CCSER1: variants seen among roughly 807,000 people sequenced by gnomAD.
The protein encoded by CCSER1 is coiled-coil serine rich protein 1, also known as serine-rich coiled-coil domain-containing protein 1.
In CCSER1, 41 loss-of-function variants were observed where a neutral mutation model predicts 82.0. The ratio of observed to expected loss-of-function variants is 0.50; its 90% confidence interval spans 0.39 to 0.65. CCSER1 has a LOEUF of 0.65. Among genes scored for constraint, CCSER1 ranks in the 30% least tolerant of loss-of-function variants. The probability of loss-of-function intolerance (pLI) is 0.00; values close to 1 mark genes in which losing one functional copy is unlikely to be tolerated. For missense variants in CCSER1, 1,119 were observed against 1,064.2 expected (o/e 1.05, Z -0.72); for synonymous variants, 414 against 383.9 (o/e 1.08, Z -0.92).
chr4:91,236,376 G>A (rs1184549893), intron 10 of CCSER1, among the ~76,000 whole-genome samples: 1 of 151,936 alleles, frequency 6.6e-6, no homozygotes, highest in Non-Finnish European at 1.5e-5. Context: ...TCAGCTACTC[G>A]GGAGGCTGAG....
chr4:91,154,083 G>C (rs1040221119), intron 10 of CCSER1, among the ~76,000 whole-genome samples: 1 of 151,998 alleles, frequency 6.6e-6, no homozygotes, highest in Non-Finnish European at 1.5e-5. Context: ...GCTACCTTTT[G>C]TTCAGCTATG....
At position 91,296,468 on chromosome 4, in the gene CCSER1, TATATATA is replaced by T. The variant is rs1560573042; in HGVS notation, c.2217+210475_2217+210481del. 5.9e-5 allele frequency among the ~76,000 whole-genome samples: 3 copies of T among 50,514 alleles called. 1 individual carries two copies. The highest frequency in any genetic ancestry group is 2.1e-4 in the Admixed American group (1 of 4,774). 33.1% of individuals were successfully genotyped at this position (50,514 alleles called of 152,430 possible). Reference sequence around the variant, plus strand: ...CTAACATTATATATATATATATATGTATATATATATATATATATTTTAATTAAATATA... The same window carrying T: ...CTAACATTATATATATATATATATGTTATATATATATTTTAATTAAATATA... On this transcript the variant is annotated intron_variant, in intron 10 of 10. Coordinates refer to ENST00000509176, the MANE Select transcript of CCSER1 (RefSeq NM_001145065.2).
intron 3 of CCSER1, among the ~76,000 whole-genome samples, chr4:90,374,033 TTG>T (rs1561120799): frequency 6.6e-6 from 1 of 152,210 alleles, no homozygotes; most frequent in African/African-American, 2.4e-5. Context: ...CCCAGGAGTC[TTG>T]TGGCTTTTGC....
In CCSER1 at chr4:90,288,398, A is replaced by G. The variant is rs1730293473; in HGVS notation, c.-41-19846A>G. ...CACCTCCATACTTGTCTTCTTCATT[A>G]TTTATCTCATTACAGTAATTATTTT... On this transcript the variant is annotated intron_variant, in intron 1 of 10. Coordinates refer to ENST00000509176, the MANE Select transcript of CCSER1 (RefSeq NM_001145065.2). 2.0e-5 allele frequency among the ~76,000 whole-genome samples: 3 copies of G among 151,910 alleles called. No homozygotes were observed. The South Asian group carries it at 6.2e-4, about 31-fold the overall frequency.
intron 10 of CCSER1, among the ~76,000 whole-genome samples, chr4:91,255,546 G>A (rs774763653): frequency 6.6e-6 from 1 of 152,166 alleles, no homozygotes; most frequent in Non-Finnish European, 1.5e-5. Context: ...ATAAATTCAG[G>A]ATTCTGATTT....
At chr4:90,668,458 C>A (rs1455070882) in intron 6 of CCSER1, among the ~76,000 whole-genome samples, 1 of 152,100 alleles carries the variant, frequency 6.6e-6, no homozygotes, top group African/African-American at 2.4e-5. Context: ...ATTGATAATT[C>A]AAAACCACTT....
chr4:90,217,512 C>G (rs1489382099), intron 1 of CCSER1, among the ~76,000 whole-genome samples: 1 of 152,020 alleles, frequency 6.6e-6, no homozygotes, highest in Non-Finnish European at 1.5e-5. Flanking sequence ...TTAGGGCTTT[C>G]TAGGTATAGA....
rs560158076 is a variant in CCSER1 at position 91,031,823 on chromosome 4, A to G, written c.2173-54127A>G. On this transcript the variant is annotated intron_variant, in intron 9 of 10. Transcript: ENST00000509176. The stretch of plus-strand genomic sequence containing the variant: ...TATAACATAGAGATATTTTGGTAGT[A>G]TATAATATCAAATAAATGAATCATT... Among the ~76,000 whole-genome samples the G allele has an allele frequency of 3.3e-5, 5 of 152,282 alleles. No homozygotes were observed. In the East Asian group the frequency reaches 9.7e-4, roughly 29 times the overall value.
chr4:90,483,564 C>T (rs1419573435), intron 5 of CCSER1, among the ~76,000 whole-genome samples: 1 of 152,160 alleles, frequency 6.6e-6, no homozygotes, highest in Non-Finnish European at 1.5e-5. Flanking sequence ...TCAGGGCAGG[C>T]CTGGTGGTGA....
rs149924855 is a variant in CCSER1, at chr4:91,117,854, A to T, written c.2217+31860A>T. Among the ~76,000 whole-genome samples the T allele has an allele frequency of 2.9e-4, 44 of 152,264 alleles. No individual in the cohort carries two copies. In the East Asian group the frequency reaches 7.1e-3, roughly 25 times the overall value. On this transcript the variant is annotated intron_variant, in intron 10 of 10. Coordinates refer to ENST00000509176, the MANE Select transcript of CCSER1 (RefSeq NM_001145065.2). ...TATTTTCTTATTTTCATTCATTTGTAAACACTGGAAAATATTATCCCTTAC... is the reference window on the plus strand; with the variant it reads ...TATTTTCTTATTTTCATTCATTTGTTAACACTGGAAAATATTATCCCTTAC...
chr4:90,671,440 C>T (rs1451629830), intron 6 of CCSER1, among the ~76,000 whole-genome samples: 1 of 152,042 alleles, frequency 6.6e-6, no homozygotes, highest in Non-Finnish European at 1.5e-5. Flanking sequence ...AAGTAGATTT[C>T]CTCCCAAGGA....
chr4:91,097,703 C>T (rs1227026620), intron 10 of CCSER1, among the ~76,000 whole-genome samples: 1 of 152,056 alleles, frequency 6.6e-6, no homozygotes, highest in Non-Finnish European at 1.5e-5. Flanking sequence ...GGAAATTTTT[C>T]AGTTGATGAT....
At chr4:90,742,821 G>A (rs1746767040) in intron 7 of CCSER1, among the ~76,000 whole-genome samples, 1 of 152,032 alleles carries the variant, frequency 6.6e-6, no homozygotes, top group Non-Finnish European at 1.5e-5. Context: ...GGCTTATGTT[G>A]TTATTTTTTG....
intron 5 of CCSER1, among the ~76,000 whole-genome samples, chr4:90,627,434 AATAATATAAT>A (rs1480853515): frequency 1.3e-5 from 2 of 151,800 alleles, no homozygotes; most frequent in African/African-American, 4.8e-5. Context: ...TATGTAAGAA[AATAATATAAT>A]TCAGAAATAT....
At chr4:90,979,995 A>AT (rs11375148) in intron 9 of CCSER1, among the ~76,000 whole-genome samples, 126,333 of 151,586 alleles carry the variant, frequency 0.83, 53,164 homozygotes, top group Non-Finnish European at 0.89. Context: ...ACTAAAAAAA[A>AT]ATAATAAACT....
intron 10 of CCSER1, among the ~76,000 whole-genome samples, chr4:91,539,555 T>C (rs2110191614): frequency 6.6e-6 from 1 of 152,202 alleles, no homozygotes; most frequent in Admixed American, 6.6e-5. Context: ...TTTGCTGAAT[T>C]TGGTCATCCA....
chr4:91,461,841 T>C (rs549608677), intron 10 of CCSER1, among the ~76,000 whole-genome samples: 1 of 152,294 alleles, frequency 6.6e-6, no homozygotes, highest in African/African-American at 2.4e-5. Flanking sequence ...ATGTAGCAGA[T>C]CCATACTAAG....
chr4:91,148,674 G>A (rs562633132), intron 10 of CCSER1, among the ~76,000 whole-genome samples: 225 of 152,002 alleles, frequency 1.5e-3, no homozygotes, highest in African/African-American at 5.2e-3. Flanking sequence ...GTGATGTTCC[G>A]CATCCTGTGT....
At position 90,387,697 on chromosome 4, in the gene CCSER1, A is replaced by G. The variant is rs1278367231; in HGVS notation, c.1510-12339A>G. 2.6e-5 allele frequency among the ~76,000 whole-genome samples: 4 copies of G among 152,326 alleles called. No individual in the cohort carries two copies. In the East Asian group the frequency reaches 7.7e-4, roughly 29 times the overall value. ...TGAGAAACTCTGGACATTATAGCTC[A>G]GGCAAGCTTCCCTTTTTGGCAGTAC... On this transcript the variant is annotated intron_variant, in intron 3 of 10. Coordinates refer to ENST00000509176, the MANE Select transcript of CCSER1 (RefSeq NM_001145065.2).
Sources: gnomAD v4.1 joint callset for allele counts (sites outside exome capture counted in the v4.1 genomes callset) on GRCh38, gnomAD v4.1.1 for gene constraint, MANE v1.5 for transcripts, NCBI Gene and HGNC (gene_info 2026-07-23, HGNC 2026-07-21) for gene names.